Variants in DNM2 observed in about 807,000 individuals in gnomAD.
The protein encoded by DNM2 is dynamin-2.
A neutral mutation model predicts 99.0 loss-of-function variants in DNM2; 15 were observed. That is an observed-to-expected ratio of 0.15 (90% CI 0.10 to 0.23). The LOEUF is 0.23. Ranked by LOEUF, DNM2 falls within the 10% of genes least tolerant of loss-of-function variation. DNM2 has a pLI of 1.00. For synonymous variants in DNM2, 525 were observed against 481.2 expected (o/e 1.09, Z -1.19); for missense variants, 742 against 1,189.4 (o/e 0.62, Z 5.53).
At chr19:10,728,402 T>C (rs2069181456) in intron 1 of DNM2, among the ~76,000 whole-genome samples, 2 of 152,134 alleles carry the variant, frequency 1.3e-5, no homozygotes, top group African/African-American at 4.8e-5. Context: ...GAGCCACACA[T>C]ATGGCGGCTT....
At position 10,806,116 on chromosome 19, in the gene DNM2, A is replaced by C. The variant is rs1041429090; in HGVS notation, c.1545+149A>C. 10 of 983,596 alleles carry C rather than the reference A, an allele frequency of 1.0e-5. No homozygotes were observed. The Admixed American group carries it at 2.2e-4, about 22-fold the overall frequency. The allele number at this position is 983,596 out of a possible 1,614,324, so 60.9% of individuals were successfully genotyped here. ...CATCTGCTCTCTCTAGAGGCCACTT[A>C]GGAATTGATAATTCTGGGAGATGGC... On this transcript the variant is annotated intron_variant, in intron 13 of 20. Coordinates refer to ENST00000389253, the MANE Select transcript of DNM2 (RefSeq NM_001005361.3).
chr19:10,734,690 A>C (rs1448646858), intron 1 of DNM2, among the ~76,000 whole-genome samples: 4 of 150,216 alleles, frequency 2.7e-5, no homozygotes, highest in African/African-American at 9.8e-5. Flanking sequence ...AGATTTCTTC[A>C]ATTTTTCCCA....
At chr19:10,727,967 A>G (rs939730969) in intron 1 of DNM2, among the ~76,000 whole-genome samples, 5 of 152,240 alleles carry the variant, frequency 3.3e-5, no homozygotes, top group African/African-American at 1.2e-4. Context: ...ATAGGGCATT[A>G]GCTACAATCT....
chr19:10,797,904 G>A (rs1490345635), intron 10 of DNM2, among the ~76,000 whole-genome samples: 1 of 151,998 alleles, frequency 6.6e-6, no homozygotes, highest in Non-Finnish European at 1.5e-5. Flanking sequence ...CATTTTCCCC[G>A]ACTCGTGGAC....
intron 1 of DNM2, among the ~76,000 whole-genome samples, chr19:10,731,407 G>A (rs531753494): frequency 6.7e-6 from 1 of 150,020 alleles, no homozygotes; most frequent in South Asian, 2.1e-4. Context: ...GGGCTGGAGT[G>A]CAATGCATGA....
At chr19:10,720,190 GTTTATTTTATTTTATTTATTTA>G (rs1264237827) in intron 1 of DNM2, among the ~76,000 whole-genome samples, 39 of 151,354 alleles carry the variant, frequency 2.6e-4, no homozygotes, top group Non-Finnish European at 2.2e-4. Context: ...TCCTAAACAA[GTTTATTTTATTTTATTTATTTA>G]TTTATTTTTT....
intron 3 of DNM2, among the ~76,000 whole-genome samples, chr19:10,773,070 C>A (rs994003604): frequency 2.0e-5 from 3 of 150,596 alleles, no homozygotes; most frequent in African/African-American, 4.9e-5. Context: ...ACCTCCACCT[C>A]CCAGGTTCAA....
At chr19:10,819,938 C>A in intron 15 of DNM2, 42 bp from the exon 16 acceptor site, 2 of 1,602,968 alleles carry the variant, frequency 1.2e-6, no homozygotes, top group South Asian at 1.1e-5. Context: ...CCTGAGTTGT[C>A]ACGTGGACCG....
chr19:10,746,461 T>C (rs1484895710), intron 1 of DNM2, among the ~76,000 whole-genome samples: 2 of 152,104 alleles, frequency 1.3e-5, no homozygotes, highest in African/African-American at 2.4e-5. Context: ...TTCACTCTTA[T>C]TGCCCAGGCA....
At chr19:10,738,137 A>G (rs2145745469) in intron 1 of DNM2, among the ~76,000 whole-genome samples, 1 of 152,152 alleles carries the variant, frequency 6.6e-6, no homozygotes, top group East Asian at 1.9e-4. Context: ...TCATGCTTGT[A>G]ATCCCAGCAC....
At chr19:10,726,231 T>TAAAAAAAAAAAAAAAAAA (rs2069112416) in intron 1 of DNM2, among the ~76,000 whole-genome samples, 1 of 11,812 alleles carries the variant, frequency 8.5e-5, no homozygotes. Flanking sequence ...AAAAAAAAAA[T>TAAAAAAAAAAAAAAAAAA]TTTTTTTTTT....
At chr19:10,720,682 A>T (rs538181692) in intron 1 of DNM2, among the ~76,000 whole-genome samples, 86 of 152,230 alleles carry the variant, frequency 5.6e-4, no homozygotes, top group Non-Finnish European at 1.1e-3. Context: ...GTGAGCCGTG[A>T]TTGCACCATT....
At chr19:10,760,136 C>T (rs958949924) in intron 2 of DNM2, among the ~76,000 whole-genome samples, 2 of 151,782 alleles carry the variant, frequency 1.3e-5, no homozygotes, top group South Asian at 2.1e-4. Flanking sequence ...CAGGTTCCAG[C>T]GATTCTCCTG....
intron 12 of DNM2, among the ~76,000 whole-genome samples, chr19:10,804,928 A>G (rs1199032056): frequency 6.6e-6 from 1 of 152,234 alleles, no homozygotes; most frequent in Non-Finnish European, 1.5e-5. Context: ...ATTGTTCTGA[A>G]AGTTTCAGCC....
chr19:10,757,894 G>A (rs2070450672), intron 1 of DNM2, among the ~76,000 whole-genome samples: 2 of 138,528 alleles, frequency 1.4e-5, no homozygotes, highest in Admixed American at 1.6e-4. Context: ...AGTGAGTTGA[G>A]ATCGAGCCAC....
In DNM2 at chr19:10,818,857, G is replaced by A. The variant is rs1298568771; in HGVS notation, c.1672-1123G>A. On this transcript the variant is annotated intron_variant, in intron 15 of 20. Coordinates refer to ENST00000389253, the MANE Select transcript of DNM2 (RefSeq NM_001005361.3). The surrounding 1 kb of genome is among the most constrained non-coding windows in gnomAD (Gnocchi z 4.3). Reference sequence around the variant, plus strand: ...CCTGCTGTGGCTTGCGCTGCCTGCCGTGTGGCCTTCGGCAGCCAGCTTCCC... The same window carrying A: ...CCTGCTGTGGCTTGCGCTGCCTGCCATGTGGCCTTCGGCAGCCAGCTTCCC... Among the ~76,000 whole-genome samples the A allele has an allele frequency of 3.3e-5, 5 of 152,154 alleles. No homozygotes were observed. Among genetic ancestry groups the A allele is most frequent in the South Asian group, 2.1e-4 (1 of 4,826 alleles).
chr19:10,719,717 A>G (rs1568259558), intron 1 of DNM2, among the ~76,000 whole-genome samples: 1 of 152,052 alleles, frequency 6.6e-6, no homozygotes, highest in Non-Finnish European at 1.5e-5. Context: ...TGTCATTGTT[A>G]TTGTTGTTAT....
Position 10,795,555 on chromosome 19 carries a change from G to T in DNM2, c.1196+116G>T. 1.6e-6 allele frequency: 2 copies of T among 1,261,540 alleles called. No individual in the cohort carries two copies. The highest frequency in any genetic ancestry group is 2.3e-6 in the Non-Finnish European group (2 of 871,936). 78.1% of individuals were successfully genotyped at this position (1,261,540 alleles called of 1,614,324 possible). ...ATCGTTAGGCCTTAAGAGGGCTCTT[G>T]GATGGTTTTCTGTAGCTGCGAGCCC... On this transcript the variant is annotated intron_variant, in intron 9 of 20. Coordinates refer to ENST00000389253, the MANE Select transcript of DNM2 (RefSeq NM_001005361.3). This position sits in a 1 kb window ranked among gnomAD's most constrained non-coding sequence, Gnocchi z 4.2.
In DNM2 at chr19:10,772,525, T is replaced by C. The variant is rs1294440413; in HGVS notation, c.282T>C (p.Phe94=). Residue 94 remains phenylalanine, a synonymous_variant, in exon 3 of 21, where the codon TTT becomes TTC. Coordinates refer to ENST00000389253, the MANE Select transcript of DNM2 (RefSeq NM_001005361.3). This position sits in a 1 kb window ranked among gnomAD's most constrained non-coding sequence, Gnocchi z 4.9. ...LHCKSKKFTD[F]DEVRQEIEAE... is the part of the protein sequence containing the mutation. ...GCAAGTCCAAAAAGTTTACAGACTT[T>C]GATGAAGTCCGGCAGGAGATTGAAG... The C allele has an allele frequency of 1.2e-6, 2 of 1,614,176 alleles. No homozygotes were observed. The highest frequency in any genetic ancestry group is 1.7e-6 in the Non-Finnish European group (2 of 1,180,042).
Sources: allele counts gnomAD v4.1 joint callset (sites outside exome capture counted in the v4.1 genomes callset), GRCh38; gene constraint gnomAD v4.1.1; non-coding constraint Gnocchi (gnomAD v3.1); transcripts MANE v1.5; gene names NCBI Gene and HGNC (gene_info 2026-07-23, HGNC 2026-07-21).